The following MTMR7 variants were observed in gnomAD, a reference collection of about 807,000 sequenced individuals.
The protein encoded by MTMR7 is phosphatidylinositol-3-phosphate phosphatase MTMR7.
MTMR7 carries 76 observed loss-of-function variants against 81.2 expected under a neutral mutation model. The observed-to-expected ratio is 0.94, with a 90% CI of 0.78 to 1.13. The LOEUF (loss-of-function observed/expected upper bound fraction) is 1.13. MTMR7 is among the 50% of genes most tolerant of loss of function. MTMR7 has a pLI of 0.00. For synonymous variants in MTMR7, 372 were observed against 289.8 expected (o/e 1.28, Z -2.88); for missense variants, 1,044 against 820.0 (o/e 1.27, Z -3.34).
chr8:17,344,448 C>G (rs1819496049), intron 5 of MTMR7, among the ~76,000 whole-genome samples: 1 of 152,016 alleles, frequency 6.6e-6, no homozygotes, highest in East Asian at 1.9e-4. Context: ...CTGTCTCTAC[C>G]AAAAATACAA....
chr8:17,371,805 G>A (rs533134026), intron 2 of MTMR7, among the ~76,000 whole-genome samples: 1 of 150,402 alleles, frequency 6.6e-6, no homozygotes, highest in South Asian at 2.1e-4. Flanking sequence ...TACATCATAC[G>A]GAATGATTAA....
intron 3 of MTMR7, among the ~76,000 whole-genome samples, chr8:17,368,814 A>T (rs1461093462): frequency 6.6e-6 from 1 of 152,200 alleles, no homozygotes; most frequent in African/African-American, 2.4e-5. Context: ...AACTCCTCTT[A>T]GGTGATGGCT....
At chr8:17,369,062 C>A (rs1216446419) in intron 3 of MTMR7, among the ~76,000 whole-genome samples, 1 of 152,248 alleles carries the variant, frequency 6.6e-6, no homozygotes, top group African/African-American at 2.4e-5. Context: ...TCAGCCCTTT[C>A]CCAGTTCGCT....
At chr8:17,365,491 G>T (rs1274583831) in intron 3 of MTMR7, among the ~76,000 whole-genome samples, 1 of 152,128 alleles carries the variant, frequency 6.6e-6, no homozygotes, top group African/African-American at 2.4e-5. Context: ...TCTTAAAACA[G>T]GCATGTTAAA....
In MTMR7 at chr8:17,399,893, A is replaced by G. The variant is rs1384062412; in HGVS notation, c.24+13376T>C. Among the ~76,000 whole-genome samples, 7 of 151,882 alleles carry G rather than the reference A, an allele frequency of 4.6e-5. No homozygotes were observed. The East Asian group carries it at 1.2e-3, about 25-fold the overall frequency. On this transcript the variant is annotated intron_variant, in intron 1 of 13. Transcript: ENST00000180173. ...GTCTCAAAAAAAAAAAAACCAAAAAACTGATAAACATCCATGTATCTAAAT... is the reference window on the plus strand; with the variant it reads ...GTCTCAAAAAAAAAAAAACCAAAAAGCTGATAAACATCCATGTATCTAAAT...
chr8:17,349,336 C>G, intron 4 of MTMR7: 2 of 332,736 alleles, frequency 6.0e-6, no homozygotes, highest in Non-Finnish European at 1.1e-5. Flanking sequence ...TCTCCAAGGG[C>G]TCTTTGTGCA....
chr8:17,402,587 G>T (rs1444912971), intron 1 of MTMR7, among the ~76,000 whole-genome samples: 1 of 152,092 alleles, frequency 6.6e-6, no homozygotes, highest in Non-Finnish European at 1.5e-5. Context: ...GCAAATGACG[G>T]GATCTCCTCC....
intron 5 of MTMR7, among the ~76,000 whole-genome samples, chr8:17,345,708 T>TG (rs1244912246): frequency 2.0e-5 from 3 of 152,230 alleles, no homozygotes; most frequent in South Asian, 4.1e-4. Context: ...AAGGGAAAGA[T>TG]GGACCCTCCA....
intron 7 of MTMR7, among the ~76,000 whole-genome samples, chr8:17,322,038 C>A (rs1216422606): frequency 1.3e-5 from 2 of 152,080 alleles, no homozygotes; most frequent in African/African-American, 4.8e-5. Context: ...TCCATTTGAA[C>A]CCTGTGGGGT....
intron 1 of MTMR7, among the ~76,000 whole-genome samples, chr8:17,384,017 C>T (rs1237728596): frequency 6.6e-6 from 1 of 152,114 alleles, no homozygotes; most frequent in Non-Finnish European, 1.5e-5. Context: ...AAAGATGTTT[C>T]AAGTTGGAGT....
At chr8:17,355,810 A>G (rs1586238847) in intron 4 of MTMR7, among the ~76,000 whole-genome samples, 1 of 152,242 alleles carries the variant, frequency 6.6e-6, no homozygotes, top group African/African-American at 2.4e-5. Flanking sequence ...AAGAGTCAAC[A>G]TGAACAGCCA....
At chr8:17,366,801 G>T (rs542069138) in intron 3 of MTMR7, among the ~76,000 whole-genome samples, 2 of 151,100 alleles carry the variant, frequency 1.3e-5, no homozygotes, top group South Asian at 4.2e-4. Context: ...CAGAAGAATG[G>T]CATGAACCTG....
At chr8:17,378,098 T>C (rs1157970010) in intron 1 of MTMR7, among the ~76,000 whole-genome samples, 1 of 152,118 alleles carries the variant, frequency 6.6e-6, no homozygotes, top group African/African-American at 2.4e-5. Flanking sequence ...AATACTACCA[T>C]TGAGATGGGA....
At position 17,378,442 on chromosome 8, in the gene MTMR7, C is replaced by T. The variant is rs138922028; in HGVS notation, c.25-5202G>A. 6.0e-3 allele frequency among the ~76,000 whole-genome samples: 921 copies of T among 152,322 alleles called. 11 individuals carry two copies. The highest frequency in any genetic ancestry group is 0.021 in the African/African-American group (878 of 41,574). On this transcript the variant is annotated intron_variant, in intron 1 of 13. Transcript: ENST00000180173. Reference sequence around the variant, plus strand: ...GTTTGGGCACCATCTTGAAGACCCACTGACTCAGTAATTCAGCCTTACTGT... The same window carrying T: ...GTTTGGGCACCATCTTGAAGACCCATTGACTCAGTAATTCAGCCTTACTGT...
At chr8:17,376,122 T>C (rs1461854194) in intron 1 of MTMR7, among the ~76,000 whole-genome samples, 1 of 152,262 alleles carries the variant, frequency 6.6e-6, no homozygotes, top group Non-Finnish European at 1.5e-5. Context: ...ATTTACCCTC[T>C]GTCTCTATAG....
At chr8:17,344,974 A>T (rs1819507865) in intron 5 of MTMR7, among the ~76,000 whole-genome samples, 1 of 152,156 alleles carries the variant, frequency 6.6e-6, no homozygotes, top group East Asian at 1.9e-4. Flanking sequence ...TTAAAAAAAA[A>T]ATCCTAGCGT....
At chr8:17,390,179 C>A (rs996503989) in intron 1 of MTMR7, among the ~76,000 whole-genome samples, 1 of 151,982 alleles carries the variant, frequency 6.6e-6, no homozygotes, top group South Asian at 2.1e-4. Flanking sequence ...TTAATCGGCT[C>A]GTGGTTCTGC....
chr8:17,337,233 C>T (rs1474900387), intron 6 of MTMR7, among the ~76,000 whole-genome samples: 5 of 151,876 alleles, frequency 3.3e-5, no homozygotes, highest in East Asian at 2.0e-4. Flanking sequence ...GGCGTGGTGG[C>T]GGGCACCTGT....
At position 17,306,089 on chromosome 8, in the gene MTMR7, A is replaced by C. The variant is rs1439217615; in HGVS notation, c.1152-132T>G. On this transcript the variant is annotated intron_variant, in intron 10 of 13. Transcript: ENST00000180173. ...TTATCTTACAAACTTGGAATGACAA[A>C]AAAGGTAGAAAAGTTAAGATTTTAA... is the stretch of plus-strand genomic sequence containing the variant. 5 of 705,752 alleles carry C rather than the reference A, an allele frequency of 7.1e-6. No homozygotes were observed. In the East Asian group the frequency reaches 1.4e-4, roughly 20 times the overall value. The allele number at this position is 705,752 out of a possible 1,614,324, so 43.7% of individuals were successfully genotyped here.
Sources: allele counts gnomAD v4.1 joint callset (sites outside exome capture counted in the v4.1 genomes callset), GRCh38; gene constraint gnomAD v4.1.1; transcripts MANE v1.5; gene names NCBI Gene and HGNC (gene_info 2026-07-23, HGNC 2026-07-21).